The following ARHGAP5 variants were observed in gnomAD, a reference collection of about 807,000 sequenced individuals.
ARHGAP5 encodes the protein Rho GTPase activating protein 5.
In ARHGAP5, 23 loss-of-function variants were observed where a neutral mutation model predicts 116.6. The ratio of observed to expected loss-of-function variants is 0.20; its 90% CI spans 0.14 to 0.28. The LOEUF is 0.28. ARHGAP5 is among the 10% of genes least tolerant of loss of function. ARHGAP5 has a pLI of 1.00. For synonymous variants in ARHGAP5, 574 were observed against 602.0 expected, an observed-to-expected ratio of 0.95 and a Z score of 0.68; for missense variants, 1,405 against 1,774.8, an observed-to-expected ratio of 0.79 and a Z score of 3.74.
chr14:32,143,347 A>G (rs574088280), intron 3 of ARHGAP5, among the ~76,000 whole-genome samples: 56 of 151,980 alleles, frequency 3.7e-4, no homozygotes, highest in African/African-American at 1.4e-3. Flanking sequence ...GGTTCAAGCA[A>G]TTCTTCTGCC....
At chr14:32,132,183 C>T (rs532833109) in intron 3 of ARHGAP5, among the ~76,000 whole-genome samples, 36 of 152,138 alleles carry the variant, frequency 2.4e-4, no homozygotes, top group Admixed American at 4.6e-4. Context: ...ATGGTTGAAC[C>T]AGTTTAGAGT....
chr14:32,100,123 T>A (rs1308282186), intron 2 of ARHGAP5, among the ~76,000 whole-genome samples: 1 of 152,244 alleles, frequency 6.6e-6, no homozygotes, highest in African/African-American at 2.4e-5. Flanking sequence ...TCCGTGAGTT[T>A]CACATCCACA....
In ARHGAP5 at chr14:32,093,480, T is replaced by C. The variant is rs755563599; in HGVS notation, c.2811T>C (p.Asp937=). Residue 937 remains aspartate, a synonymous_variant, in exon 2 of 7, where the codon GAT becomes GAC. Transcript: ENST00000345122. ...AGGTCTTTACTCTGTTTTTTAGTGA[T>C]GTTCTAGAGAAAAAAAATATGATAG... ...QTEVFTLFFS[D]VLEKKNMIEN... 6.2e-7 allele frequency: 1 copy of C among 1,612,690 alleles called. No homozygotes were observed. Among genetic ancestry groups the C allele is most frequent in the Non-Finnish European group, 8.5e-7 (1 of 1,179,594 alleles).
intron 6 of ARHGAP5, chr14:32,154,317 T>G: frequency 4.1e-6 from 1 of 243,064 alleles, no homozygotes; most frequent in Non-Finnish European, 8.1e-6. Flanking sequence ...GCCTGGCTAA[T>G]TTTGTATTTT....
rs1878198985 is a variant in ARHGAP5 at position 32,090,715 on chromosome 14, A to G, written c.46A>G (p.Ser16Gly). ...KEPRPPSYTI[S>G]IVGLSGTEKD... ...GCCTCGTCCCCCATCCTATACCATC[A>G]GTATAGTTGGACTCTCTGGGACTGA... The change falls in exon 2 of 7, where the codon AGT (serine) becomes GGT (glycine). Residue 16 changes from serine to glycine, a missense_variant. Ser to Gly is a moderately conservative substitution (Grantham distance 56, BLOSUM62 0). Transcript: ENST00000345122. 1 of 1,613,186 alleles carries G rather than the reference A, an allele frequency of 6.2e-7. No individual in the cohort carries two copies. Among genetic ancestry groups the G allele is most frequent in the Non-Finnish European group, 8.5e-7 (1 of 1,179,466 alleles).
chr14:32,138,340 A>C (rs921054450), intron 3 of ARHGAP5, among the ~76,000 whole-genome samples: 8 of 152,200 alleles, frequency 5.3e-5, no homozygotes, highest in African/African-American at 1.7e-4. Flanking sequence ...GCTGGAGTGC[A>C]GCAGTGCAAT....
rs569062945 is a variant in ARHGAP5 at position 32,110,253 on chromosome 14, T to C, written c.3718-6887T>C. Among the ~76,000 whole-genome samples, 21 of 148,386 alleles carry C rather than the reference T, an allele frequency of 1.4e-4. No individual in the cohort carries two copies. The South Asian group carries it at 3.2e-3, about 22-fold the overall frequency. Reference sequence around the variant, plus strand: ...ATACGTGAGTAGTTACATAGTGTTGTAGAGAGAAAAGGCAGGGTAAGAGGA... The same window carrying C: ...ATACGTGAGTAGTTACATAGTGTTGCAGAGAGAAAAGGCAGGGTAAGAGGA... On this transcript the variant is annotated intron_variant, in intron 2 of 6. Transcript: ENST00000345122.
At chr14:32,152,742 C>T (rs990119400) in intron 6 of ARHGAP5, among the ~76,000 whole-genome samples, 1 of 152,018 alleles carries the variant, frequency 6.6e-6, no homozygotes, top group Non-Finnish European at 1.5e-5. Context: ...AGTATATTTT[C>T]CTTTTTACCA....
Position 32,094,017 on chromosome 14 carries a change from A to C in ARHGAP5, c.3348A>C (p.Gln1116His). 6.2e-7 allele frequency: 1 copy of C among 1,613,218 alleles called. No homozygotes were observed. Among genetic ancestry groups the C allele is most frequent in the Non-Finnish European group, 8.5e-7 (1 of 1,179,804 alleles). ...TTTATGTTGTCCCAGATGATAGTCAAAATCGTATTAAAATTCGAAACTCAT... is the reference window on the plus strand; with the variant it reads ...TTTATGTTGTCCCAGATGATAGTCACAATCGTATTAAAATTCGAAACTCAT... The part of the protein sequence containing the change: ...DEIYVVPDDS[Q>H]NRIKIRNSFV... Residue 1116 changes from glutamine to histidine, a missense_variant, in exon 2 of 7, where the codon CAA (glutamine) becomes CAC (histidine). Gln to His is a conservative substitution (Grantham distance 24). This residue lies in a region of ARHGAP5 where 944 missense variants were observed against 1,095.3 expected (regional missense o/e 0.86). Transcript: ENST00000345122.
intron 3 of ARHGAP5, among the ~76,000 whole-genome samples, chr14:32,143,200 T>TTAG (rs1555359259): frequency 1.8e-4 from 22 of 125,396 alleles, no homozygotes; most frequent in East Asian, 7.5e-4. Flanking sequence ...CAACATTATT[T>TTAG]TAGTTGTTGT....
rs765642036 is a variant in ARHGAP5, at chr14:32,146,260, T to C, written c.3866-3T>C. On this transcript the variant is annotated splice_polypyrimidine_tract_variant and splice_region_variant and intron_variant, in intron 3 of 6. Transcript: ENST00000345122. Reference sequence around the variant, plus strand: ...AAGTATGCATATTTCTTTATTCTCTTAGGGTTATGTACCGAAGGACTCTAC... The same window carrying C: ...AAGTATGCATATTTCTTTATTCTCTCAGGGTTATGTACCGAAGGACTCTAC... The C allele has an allele frequency of 2.7e-5, 43 of 1,604,036 alleles. No individual in the cohort carries two copies. The East Asian group carries it at 9.1e-4, about 34-fold the overall frequency.
At chr14:32,130,114 T>C (rs544988453) in intron 3 of ARHGAP5, among the ~76,000 whole-genome samples, 1 of 151,354 alleles carries the variant, frequency 6.6e-6, no homozygotes, top group Non-Finnish European at 1.5e-5. Context: ...AAAATATATA[T>C]ATATGACCAC....
In ARHGAP5 at chr14:32,090,690, G is replaced by T; in HGVS notation, c.21G>T (p.Glu7Asp). The T allele has an allele frequency of 6.2e-7, 1 of 1,604,836 alleles. No homozygotes were observed. Among genetic ancestry groups the T allele is most frequent in the Non-Finnish European group, 8.5e-7 (1 of 1,176,866 alleles). MMAKNK[E>D]PRPPSYTISI... is the part of the protein sequence containing the mutation. Reference sequence around the variant, plus strand: ...GAGTTATGATGGCAAAAAACAAAGAGCCTCGTCCCCCATCCTATACCATCA... The same window carrying T: ...GAGTTATGATGGCAAAAAACAAAGATCCTCGTCCCCCATCCTATACCATCA... Residue 7 changes from glutamate to aspartate, a missense_variant, in exon 2 of 7, where the codon GAG (glutamate) becomes GAT (aspartate). Glu to Asp is a conservative substitution (Grantham distance 45). This residue lies in a region of ARHGAP5 where 190 missense variants were observed against 314.9 expected (regional missense o/e 0.60). Coordinates refer to ENST00000345122, the MANE Select transcript of ARHGAP5 (RefSeq NM_001030055.2).
chr14:32,096,057 G>GC (rs1311624910), intron 2 of ARHGAP5, among the ~76,000 whole-genome samples: 1 of 151,494 alleles, frequency 6.6e-6, no homozygotes, highest in Non-Finnish European at 1.5e-5. Flanking sequence ...ACCCATATTT[G>GC]CCAATTATCT....
chr14:32,106,366 G>T (rs529684159), intron 2 of ARHGAP5, among the ~76,000 whole-genome samples: 89 of 152,168 alleles, frequency 5.8e-4, no homozygotes, highest in African/African-American at 1.8e-3. Context: ...TGATCCACCC[G>T]CCTCAGCCTC....
intron 4 of ARHGAP5, among the ~76,000 whole-genome samples, chr14:32,147,407 T>A (rs1881427197): frequency 6.6e-6 from 1 of 152,222 alleles, no homozygotes; most frequent in Non-Finnish European, 1.5e-5. Context: ...AAAATATGCT[T>A]AGCCTCTATT....
At chr14:32,126,004 G>A (rs545118341) in intron 3 of ARHGAP5, among the ~76,000 whole-genome samples, 65 of 152,220 alleles carry the variant, frequency 4.3e-4, no homozygotes, top group Admixed American at 1.8e-3. Context: ...TTTTTTGTGT[G>A]TATTTGGGGG....
At chr14:32,113,892 T>G (rs1879428004) in intron 2 of ARHGAP5, among the ~76,000 whole-genome samples, 2 of 152,190 alleles carry the variant, frequency 1.3e-5, no homozygotes, top group Admixed American at 6.5e-5. Flanking sequence ...CCTTCCTTCC[T>G]GTTGTTCCCA....
intron 2 of ARHGAP5, among the ~76,000 whole-genome samples, chr14:32,098,209 A>G (rs566973989): frequency 6.6e-6 from 1 of 152,304 alleles, no homozygotes; most frequent in East Asian, 1.9e-4. Flanking sequence ...TCATTCTATC[A>G]TATAATATAA....
Sources: gnomAD v4.1 joint callset for allele counts (sites outside exome capture counted in the v4.1 genomes callset) on GRCh38, gnomAD v4.1.1 for gene constraint, gnomAD v4.1.1 regional missense constraint, MANE v1.5 for transcripts, NCBI Gene and HGNC (gene_info 2026-07-23, HGNC 2026-07-21) for gene names.